Variants in ZNF41 observed in about 807,000 individuals in gnomAD.
ZNF41 encodes the protein zinc finger protein 41.
A neutral mutation model predicts 9.3 loss-of-function variants in ZNF41; 6 were observed. The ratio of observed to expected loss-of-function variants is 0.65; its 90% CI spans 0.35 to 1.28. ZNF41 has a LOEUF of 1.28. ZNF41 is among the 50% of genes most tolerant of loss of function. ZNF41 has a pLI of 0.03. For synonymous variants in ZNF41, 192 were observed against 207.1 expected, an observed-to-expected ratio of 0.93 and a Z score of 0.63; for missense variants, 523 against 585.8, an observed-to-expected ratio of 0.89 and a Z score of 1.11.
rs780812905 is a variant in ZNF41 at position 47,456,342 on chromosome X, G to GT, written c.128dup (p.His43GlnfsTer58). 2 of 1,211,562 alleles carry GT rather than the reference G, an allele frequency of 1.7e-6. No individual in the cohort carries two copies. The highest frequency in any genetic ancestry group is 3.5e-5 in the South Asian group (2 of 56,946). On this transcript the variant is annotated frameshift_variant, in exon 3 of 5. Coordinates refer to ENST00000684689, the MANE Select transcript of ZNF41 (RefSeq NM_001324144.2). LOFTEE classifies it high-confidence loss of function. ...ACAGGCGTCTCTGGGCAGGGTCCAA[G>GT]TGCTGCCACTCCTCCTTGCTGAAGT...
intron 1 of ZNF41, among the ~76,000 whole-genome samples, chrX:47,473,999 C>T (rs2057263999): frequency 8.9e-6 from 1 of 112,175 alleles, no homozygotes; most frequent in South Asian, 3.6e-4. Context: ...ATGTAATAGC[C>T]TCAGACTGGA....
intron 2 of ZNF41, among the ~76,000 whole-genome samples, chrX:47,466,382 C>G (rs1313675071): frequency 9.0e-6 from 1 of 110,646 alleles, no homozygotes; most frequent in Non-Finnish European, 1.9e-5. Flanking sequence ...GAACTCTGAT[C>G]TGAAAGGGAG....
At chrX:47,449,550 C>T in intron 4 of ZNF41, 76 bp from the exon 5 acceptor site, 2 of 1,080,579 alleles carry the variant, frequency 1.9e-6, no homozygotes, top group Admixed American at 2.6e-5. Flanking sequence ...GTAGTTCAGA[C>T]AGGATGAACA....
Position 47,448,634 on chromosome X carries a change from C to T in ZNF41, c.1136G>A (p.Gly379Glu). The T allele has an allele frequency of 8.3e-7, 1 of 1,211,655 alleles. No individual in the cohort carries two copies. The highest frequency in any genetic ancestry group is 1.1e-6 in the Non-Finnish European group (1 of 895,536). Residue 379 changes from glycine (G) to glutamate (E), a missense_variant, in exon 5 of 5, where the codon GGA becomes GAA. Gly to Glu is a moderately conservative substitution (Grantham distance 98). Coordinates refer to ENST00000684689, the MANE Select transcript of ZNF41 (RefSeq NM_001324144.2). ...DLFRHLRIHT[G>E]EKPYECSECG... ...TTCACTGCATTCATAAGGTTTTTCT[C>T]CTGTATGAATTCTCAGATGTCTAAA...
Position 47,446,698 on chromosome X carries a change from T to A in ZNF41, c.*732A>T, listed in dbSNP as rs1037159793. On this transcript the variant is annotated 3_prime_UTR_variant, in exon 5 of 5. Transcript: ENST00000684689. ...ATTAATAATGAGACAACTACTACCT[T>A]TATATGTCTGTATCATTCAATGACT... The A allele has an allele frequency of 3.6e-5, 4 of 111,677 alleles. No individual in the cohort carries two copies. The highest frequency in any genetic ancestry group is 5.6e-5 in the Non-Finnish European group (3 of 53,226). 9.2% of individuals were successfully genotyped at this position (111,677 alleles called of 1,213,427 possible). A position where few individuals can be genotyped will look rare whatever the true frequency, so the allele number is the denominator to read the frequency against.
At chrX:47,465,135 T>G (rs1202448384) in intron 2 of ZNF41, among the ~76,000 whole-genome samples, 1 of 112,760 alleles carries the variant, frequency 8.9e-6, no homozygotes, top group East Asian at 2.8e-4. Context: ...TCTGCCCGCC[T>G]TGGCCTCCCA....
intron 2 of ZNF41, among the ~76,000 whole-genome samples, chrX:47,462,545 C>A (rs1399166675): frequency 9.0e-6 from 1 of 110,762 alleles, no homozygotes; most frequent in African/African-American, 3.3e-5. Context: ...TCCAGCTGAT[C>A]CTTGTTCTGT....
chrX:47,462,826 C>T (rs187905633), intron 2 of ZNF41, among the ~76,000 whole-genome samples: 20 of 108,581 alleles, frequency 1.8e-4, no homozygotes, highest in Admixed American at 3.0e-4. Flanking sequence ...GGCACAATCA[C>T]GGCTCACTGC....
intron 1 of ZNF41, among the ~76,000 whole-genome samples, chrX:47,468,701 AGGACT>A (rs2057071537): frequency 9.0e-6 from 1 of 111,399 alleles, no homozygotes; most frequent in Non-Finnish European, 1.9e-5. Context: ...GTCCCAATCC[AGGACT>A]GCTACAGGCC....
intron 1 of ZNF41, among the ~76,000 whole-genome samples, chrX:47,475,764 T>C (rs937452595): frequency 1.8e-5 from 2 of 111,123 alleles, no homozygotes; most frequent in Non-Finnish European, 3.8e-5. Context: ...GTCTGAATTG[T>C]GAATGGAGGG....
chrX:47,471,441 C>T (rs2057190971), intron 1 of ZNF41, among the ~76,000 whole-genome samples: 1 of 108,203 alleles, frequency 9.2e-6, no homozygotes, highest in Admixed American at 1.0e-4. Flanking sequence ...TAGAGTGAGA[C>T]TCTGTCTCCA....
intron 1 of ZNF41, among the ~76,000 whole-genome samples, chrX:47,478,739 A>C (rs1160844523): frequency 2.7e-5 from 3 of 110,546 alleles, no homozygotes; most frequent in South Asian, 7.7e-4. Context: ...TGAGGTCAGG[A>C]GTTCAAGACC....
chrX:47,474,876 T>TAAA (rs35807470), intron 1 of ZNF41, among the ~76,000 whole-genome samples: 1 of 67,498 alleles, frequency 1.5e-5, no homozygotes, highest in Admixed American at 2.0e-4. Context: ...AGAACCTGTC[T>TAAA]AAAAAAAAAA....
At position 47,467,462 on chromosome X, in the gene ZNF41, G is replaced by C. The variant is rs373952530; in HGVS notation, c.20C>G (p.Ser7Cys). 85 of 1,186,611 alleles carry C rather than the reference G, an allele frequency of 7.2e-5. No homozygotes were observed. Among genetic ancestry groups the C allele is most frequent in the Non-Finnish European group, 7.9e-6 (7 of 882,308 alleles). Residue 7 changes from serine (S) to cysteine (C), a missense_variant, in exon 2 of 5, where the codon TCT becomes TGT. Ser to Cys is a moderately radical substitution (Grantham distance 112, BLOSUM62 -1). Transcript: ENST00000684689. ...AGCCAGGGCCGGGGACCATGGGGGA[G>C]AGTCCCCATTAGCTGCCATGTTCAC... is the stretch of plus-strand genomic sequence containing the variant. MAANGD[S>C]PPWSPALAAE...
intron 1 of ZNF41, among the ~76,000 whole-genome samples, chrX:47,471,777 A>G (rs909427272): frequency 8.9e-6 from 1 of 112,080 alleles, no homozygotes; most frequent in Non-Finnish European, 1.9e-5. Flanking sequence ...AAGAATGTCT[A>G]GAAATCACTA....
At chrX:47,470,409 CT>C (rs746787636) in intron 1 of ZNF41, among the ~76,000 whole-genome samples, 1 of 36,003 alleles carries the variant, frequency 2.8e-5, no homozygotes, top group East Asian at 1.0e-3. Context: ...GAGACTCCGT[CT>C]CAAAAAAAAA....
chrX:47,467,706 G>C lies in ZNF41; in HGVS notation c.-225C>G. ...AGTGTCCACATGGTCATCACTCCAC[G>C]TTCACTCACAAATGTTTTCTGGTGG... On this transcript the variant is annotated 5_prime_UTR_variant, in exon 2 of 5. Coordinates refer to ENST00000684689, the MANE Select transcript of ZNF41 (RefSeq NM_001324144.2). 1 of 438,272 alleles carries C rather than the reference G, an allele frequency of 2.3e-6. No individual in the cohort carries two copies. 36.1% of individuals were successfully genotyped at this position (438,272 alleles called of 1,213,427 possible).
At position 47,447,566 on chromosome X, in the gene ZNF41, C is replaced by T; in HGVS notation, c.2204G>A (p.Ser735Asn). ...TCCTGTATGAATTATCTGATGCATACTTAGTGTGGCTTTCTGGATGAAAGC... is the reference window on the plus strand; with the variant it reads ...TCCTGTATGAATTATCTGATGCATATTTAGTGTGGCTTTCTGGATGAAAGC... ...GKAFIQKATL[S>N]MHQIIHTGKK... Residue 735 changes from serine (S) to asparagine (N), a missense_variant, in exon 5 of 5, where the codon AGT becomes AAT. By Grantham distance (46) the Ser-to-Asn change is conservative. Transcript: ENST00000684689. 6.6e-6 allele frequency: 8 copies of T among 1,211,936 alleles called. No individual in the cohort carries two copies. In the South Asian group the frequency reaches 8.8e-5, roughly 13 times the overall value.
rs761607989 is a variant in ZNF41, at chrX:47,459,795, G to A, written c.73-3397C>T. 1.6e-4 allele frequency among the ~76,000 whole-genome samples: 16 copies of A among 102,398 alleles called. No individual in the cohort carries two copies. In the South Asian group the frequency reaches 5.0e-3, roughly 32 times the overall value. 88.9% of individuals were successfully genotyped at this position (102,398 alleles called of 115,157 possible). On this transcript the variant is annotated intron_variant, in intron 2 of 4. Coordinates refer to ENST00000684689, the MANE Select transcript of ZNF41 (RefSeq NM_001324144.2). ...AAGAAAGAAAAGAAGACAAGGTTGT[G>A]TATAGAAAAAATAAAGTAAAATCTG...
Sources: gnomAD v4.1 joint callset for allele counts (sites outside exome capture counted in the v4.1 genomes callset) on GRCh38, gnomAD v4.1.1 for gene constraint, MANE v1.5 for transcripts, NCBI Gene and HGNC (gene_info 2026-07-23, HGNC 2026-07-21) for gene names.